NTRK3: variants seen among roughly 807,000 people sequenced by gnomAD.
NTRK3 encodes the protein neurotrophic receptor tyrosine kinase 3.
NTRK3 carries 24 observed loss-of-function variants against 91.7 expected under a neutral mutation model. The ratio of observed to expected loss-of-function variants is 0.26; its 90% CI spans 0.19 to 0.37. NTRK3 has a LOEUF of 0.37. NTRK3 is among the 10% of genes least tolerant of loss of function. The pLI, the probability that NTRK3 is intolerant of heterozygous loss-of-function variation, is 1.00. For missense variants in NTRK3, 880 were observed against 1,068.9 expected (o/e 0.82, Z 2.46); for synonymous variants, 483 against 404.0 (o/e 1.20, Z -2.34).
intron 3 of NTRK3, among the ~76,000 whole-genome samples, chr15:88,191,201 T>C (rs2047359315): frequency 6.6e-6 from 1 of 151,286 alleles, no homozygotes; most frequent in African/African-American, 2.4e-5. Flanking sequence ...TGTGTGTGTG[T>C]GTGTGTGTCT....
At chr15:88,089,067 C>A (rs2048770833) in intron 13 of NTRK3, among the ~76,000 whole-genome samples, 1 of 151,924 alleles carries the variant, frequency 6.6e-6, no homozygotes, top group African/African-American at 2.4e-5. Flanking sequence ...ATCAAGGCCA[C>A]CAAATCTGAG....
At chr15:88,207,412 G>A (rs560835080) in intron 3 of NTRK3, among the ~76,000 whole-genome samples, 21 of 152,192 alleles carry the variant, frequency 1.4e-4, no homozygotes, top group Admixed American at 2.6e-4. Flanking sequence ...TTACTACATC[G>A]TTTCTCAAAC....
chr15:88,053,404 G>A (rs183293745), intron 13 of NTRK3, among the ~76,000 whole-genome samples: 2 of 152,270 alleles, frequency 1.3e-5, no homozygotes, highest in Admixed American at 1.3e-4. Context: ...AGGGTTCCTG[G>A]GACTGACAGC....
At chr15:88,123,174 T>C (rs1210868787) in intron 13 of NTRK3, among the ~76,000 whole-genome samples, 1 of 152,206 alleles carries the variant, frequency 6.6e-6, no homozygotes, top group East Asian at 1.9e-4. Flanking sequence ...TGGAGCCTTT[T>C]TATATGCCAG....
At chr15:88,117,329 CT>C (rs1271687144) in intron 13 of NTRK3, among the ~76,000 whole-genome samples, 34 of 152,306 alleles carry the variant, frequency 2.2e-4, no homozygotes, top group African/African-American at 8.2e-4. Flanking sequence ...TATTAGATGT[CT>C]GGCACACAGT....
At chr15:88,150,303 G>A (rs1019899927) in intron 5 of NTRK3, among the ~76,000 whole-genome samples, 6 of 152,330 alleles carry the variant, frequency 3.9e-5, no homozygotes, top group African/African-American at 9.6e-5. Flanking sequence ...TGCCAGCGAT[G>A]TCCTCTCACA....
At chr15:87,958,955 C>T (rs1157193691) in intron 14 of NTRK3, among the ~76,000 whole-genome samples, 1 of 152,110 alleles carries the variant, frequency 6.6e-6, no homozygotes, top group African/African-American at 2.4e-5. Context: ...TTGATTCTGC[C>T]TAGCCCTCTG....
At chr15:87,877,678 A>G (rs1001684063) in intron 18 of NTRK3, among the ~76,000 whole-genome samples, 3 of 152,030 alleles carry the variant, frequency 2.0e-5, no homozygotes, top group African/African-American at 7.3e-5. Flanking sequence ...TTGCAGCAAG[A>G]CCCATCCTTC....
rs576806433 is a variant in NTRK3 at position 87,963,015 on chromosome 15, G to A, written c.1586-22262C>T. Among the ~76,000 whole-genome samples, 158 of 152,292 alleles carry A rather than the reference G, an allele frequency of 1.0e-3. 1 individual carries two copies. The highest frequency in any genetic ancestry group is 3.6e-3 in the African/African-American group (151 of 41,580). ...AACATCTTGATGTTACCTGAAAAAA[G>A]ATAATGACCTCTGCATTCAACGTGT... is the stretch of plus-strand genomic sequence containing the variant. On this transcript the variant is annotated intron_variant, in intron 14 of 18. Transcript: ENST00000394480.
At chr15:88,193,032 G>A (rs1003281397) in intron 3 of NTRK3, among the ~76,000 whole-genome samples, 12 of 152,164 alleles carry the variant, frequency 7.9e-5, no homozygotes, top group African/African-American at 2.7e-4. Context: ...GATCATATCT[G>A]TCTTACTCAC....
At chr15:87,964,124 G>C (rs553334343) in intron 14 of NTRK3, among the ~76,000 whole-genome samples, 26 of 152,198 alleles carry the variant, frequency 1.7e-4, no homozygotes, top group African/African-American at 4.8e-4. Context: ...GTACAAAATA[G>C]AGAAAAAATA....
intron 3 of NTRK3, chr15:88,253,155 C>A (rs1200736550): frequency 6.6e-6 from 1 of 152,256 alleles, no homozygotes; most frequent in Non-Finnish European, 1.5e-5. Context: ...GGGCAGCCAC[C>A]AGCATCAAGA....
At chr15:87,930,012 C>T (rs555625407) in intron 16 of NTRK3, among the ~76,000 whole-genome samples, 3 of 152,154 alleles carry the variant, frequency 2.0e-5, no homozygotes, top group East Asian at 3.9e-4. Flanking sequence ...TTCCCTGGCC[C>T]TGCCCCCTAG....
chr15:88,209,245 C>A (rs1343293307), intron 3 of NTRK3, among the ~76,000 whole-genome samples: 1 of 152,204 alleles, frequency 6.6e-6, no homozygotes, highest in African/African-American at 2.4e-5. Context: ...AACCTCTGTT[C>A]TTCCCCATTA....
At chr15:88,247,063 C>G (rs1352462331) in intron 3 of NTRK3, among the ~76,000 whole-genome samples, 2 of 152,226 alleles carry the variant, frequency 1.3e-5, no homozygotes, top group East Asian at 3.9e-4. Context: ...ACAGAGACCT[C>G]AGACACGATG....
intron 8 of NTRK3, 136 bp from the exon 9 acceptor site, chr15:88,136,176 T>C: frequency 8.7e-7 from 1 of 1,152,980 alleles, no homozygotes; most frequent in Non-Finnish European, 1.3e-6. Flanking sequence ...GAAAGCACAC[T>C]GGCCAAATGC....
chr15:88,205,601 G>T (rs778274225), intron 3 of NTRK3, among the ~76,000 whole-genome samples: 3 of 152,178 alleles, frequency 2.0e-5, no homozygotes, highest in Non-Finnish European at 2.9e-5. Context: ...GCACTGAAAG[G>T]TAACCCAACT....
chr15:88,152,241 C>T (rs972528197), intron 5 of NTRK3, among the ~76,000 whole-genome samples: 1 of 152,236 alleles, frequency 6.6e-6, no homozygotes, highest in Admixed American at 6.5e-5. Flanking sequence ...GTGGAAGTTG[C>T]AGTGAGCTGA....
chr15:88,085,125 T>C (rs2048382248), intron 13 of NTRK3, among the ~76,000 whole-genome samples: 1 of 152,176 alleles, frequency 6.6e-6, no homozygotes, highest in South Asian at 2.1e-4. Context: ...CAAGCAACCA[T>C]GGTTAATAAA....
Sources: gnomAD v4.1 joint callset for allele counts (sites outside exome capture counted in the v4.1 genomes callset) on GRCh38, gnomAD v4.1.1 for gene constraint, MANE v1.5 for transcripts, NCBI Gene and HGNC (gene_info 2026-07-23, HGNC 2026-07-21) for gene names.